Variants in KCNT2 observed in about 807,000 individuals in gnomAD.
The protein encoded by KCNT2 is potassium sodium-activated channel subfamily T member 2, also known as potassium channel subfamily T member 2.
A neutral mutation model predicts 153.8 loss-of-function variants in KCNT2; 67 were observed. The ratio of observed to expected loss-of-function variants is 0.44; its 90% CI spans 0.36 to 0.53. The LOEUF (loss-of-function observed/expected upper bound fraction) is 0.53. KCNT2 is among the 20% of genes least tolerant of loss of function. KCNT2 has a pLI of 0.00. For missense variants in KCNT2, 975 were observed against 1,354.8 expected (o/e 0.72, Z 4.40); for synonymous variants, 500 against 458.8 (o/e 1.09, Z -1.15).
chr1:196,430,194 G>A (rs1328256036), intron 8 of KCNT2, among the ~76,000 whole-genome samples: 1 of 151,700 alleles, frequency 6.6e-6, no homozygotes, highest in Admixed American at 6.6e-5. Flanking sequence ...AAAGGCTTGA[G>A]GAGTTAACAA....
At chr1:196,408,630 A>T (rs1672031105) in intron 12 of KCNT2, among the ~76,000 whole-genome samples, 1 of 151,446 alleles carries the variant, frequency 6.6e-6, no homozygotes, top group Non-Finnish European at 1.5e-5. Flanking sequence ...TTCTTATTTT[A>T]TCTTTTACCC....
chr1:196,258,216 CA>C lies in KCNT2; in HGVS notation c.3188del (p.Leu1063TrpfsTer11). On this transcript the variant is annotated frameshift_variant, in exon 26 of 28. Coordinates refer to ENST00000294725, the MANE Select transcript of KCNT2 (RefSeq NM_198503.5). LOFTEE classifies it high-confidence loss of function. ...AELVKNRMKHLGLSTVGYDEM... is the reference protein window; with the variant it reads ...AELVKNRMKHXGLSTVGYDEM... ...TACCATATCCCACTGTAGAAAGACC[CA>C]AGTGTTTCATTCTATTTTTCACAAG... The C allele has an allele frequency of 6.2e-7, 1 of 1,613,764 alleles. No individual in the cohort carries two copies. Among genetic ancestry groups the C allele is most frequent in the Non-Finnish European group, 8.5e-7 (1 of 1,179,750 alleles).
Position 196,458,006 on chromosome 1 carries a change from G to A in KCNT2, c.638+7287C>T, listed in dbSNP as rs535755366. Among the ~76,000 whole-genome samples the A allele has an allele frequency of 2.0e-5, 3 of 151,900 alleles. No individual in the cohort carries two copies. In the East Asian group the frequency reaches 5.9e-4, roughly 30 times the overall value. On this transcript the variant is annotated intron_variant, in intron 8 of 27. Coordinates refer to ENST00000294725, the MANE Select transcript of KCNT2 (RefSeq NM_198503.5). ...AGGCAAAGCTCCCAGTGCAGATAAC[G>A]CACGAGACTAAAAACATCCAGAATG...
rs573233368 is a variant in KCNT2, at chr1:196,240,501, G to A, written c.3212-4431C>T. On this transcript the variant is annotated intron_variant, in intron 26 of 27. Transcript: ENST00000294725. Reference sequence around the variant, plus strand: ...AAGGTTATGTATTATTATAGTAGCAGGCAAAATCAAGCAGTAAGTTATAAA... The same window carrying A: ...AAGGTTATGTATTATTATAGTAGCAAGCAAAATCAAGCAGTAAGTTATAAA... 1.1e-4 allele frequency among the ~76,000 whole-genome samples: 16 copies of A among 152,028 alleles called. No individual in the cohort carries two copies. The East Asian group carries it at 2.5e-3, about 24-fold the overall frequency.
chr1:196,307,222 G>A (rs1360925251), intron 21 of KCNT2, among the ~76,000 whole-genome samples: 2 of 152,014 alleles, frequency 1.3e-5, no homozygotes, highest in African/African-American at 4.8e-5. Flanking sequence ...AAAAGGTACT[G>A]TTTCTTAGTT....
intron 2 of KCNT2, 124 bp downstream of exon 2, chr1:196,492,138 C>A: frequency 1.0e-6 from 1 of 966,860 alleles, no homozygotes; most frequent in South Asian, 2.0e-5. Flanking sequence ...TCCTCTACCA[C>A]CTGCTGGAAA....
chr1:196,588,271 GA>G (rs67282727), intron 1 of KCNT2, among the ~76,000 whole-genome samples: 3 of 150,008 alleles, frequency 2.0e-5, no homozygotes, highest in South Asian at 4.2e-4. Flanking sequence ...AAATAGATGG[GA>G]AAAAAAAACA....
chr1:196,535,662 G>A (rs558348326), intron 1 of KCNT2, among the ~76,000 whole-genome samples: 21 of 152,238 alleles, frequency 1.4e-4, no homozygotes, highest in Admixed American at 1.2e-3. Flanking sequence ...GTGGGGTGGT[G>A]GGTAGCTAGT....
intron 25 of KCNT2, among the ~76,000 whole-genome samples, chr1:196,280,458 C>A (rs565021478): frequency 1.6e-4 from 24 of 152,274 alleles, no homozygotes; most frequent in African/African-American, 5.5e-4. Flanking sequence ...TGCTTTGCTT[C>A]CTTCAAAATG....
intron 1 of KCNT2, among the ~76,000 whole-genome samples, chr1:196,595,802 A>T (rs1295851381): frequency 1.3e-5 from 2 of 151,862 alleles, no homozygotes; most frequent in African/African-American, 4.8e-5. Context: ...AGCAGTGCAC[A>T]CTGTACACAA....
chr1:196,383,547 G>A (rs562646373), intron 13 of KCNT2, among the ~76,000 whole-genome samples: 3 of 152,238 alleles, frequency 2.0e-5, no homozygotes, highest in South Asian at 2.1e-4. Flanking sequence ...ATAGCACTGG[G>A]TGATTGAATA....
At chr1:196,496,145 G>A (rs914938039) in intron 1 of KCNT2, among the ~76,000 whole-genome samples, 1 of 151,952 alleles carries the variant, frequency 6.6e-6, no homozygotes, top group African/African-American at 2.4e-5. Context: ...CTCACTTAAT[G>A]TCATCCATAG....
At chr1:196,261,775 C>T (rs1025053901) in intron 25 of KCNT2, among the ~76,000 whole-genome samples, 10 of 151,744 alleles carry the variant, frequency 6.6e-5, no homozygotes, top group African/African-American at 2.4e-4. Context: ...TGTACTTTTC[C>T]ATGGAATAAC....
intron 1 of KCNT2, among the ~76,000 whole-genome samples, chr1:196,568,278 A>C (rs918453935): frequency 6.6e-6 from 1 of 152,060 alleles, no homozygotes; most frequent in African/African-American, 2.4e-5. Context: ...CAGTTCACAT[A>C]GGGTTCGCCC....
chr1:196,358,209 A>G (rs191539563), intron 14 of KCNT2, among the ~76,000 whole-genome samples: 2 of 150,948 alleles, frequency 1.3e-5, no homozygotes, highest in Admixed American at 6.6e-5. Flanking sequence ...AATCCTAAAT[A>G]TTTCTATGAG....
chr1:196,298,287 A>C (rs1181919375), intron 22 of KCNT2, among the ~76,000 whole-genome samples: 1 of 152,200 alleles, frequency 6.6e-6, no homozygotes, highest in Non-Finnish European at 1.5e-5. Flanking sequence ...TTTAAACACC[A>C]GCCATAAGTC....
chr1:196,545,962 G>A (rs137957240), intron 1 of KCNT2, among the ~76,000 whole-genome samples: 502 of 151,960 alleles, frequency 3.3e-3, no homozygotes, highest in African/African-American at 0.011. Context: ...GGGCTATTAT[G>A]GGTAACACTG....
At position 196,568,329 on chromosome 1, in the gene KCNT2, C is replaced by T. The variant is rs542414095; in HGVS notation, c.95+39886G>A. ...ATGCCACATGGCCAGGACGGTGGCT[C>T]ACATCTGTAATCCCAGCACTTTGGG... On this transcript the variant is annotated intron_variant, in intron 1 of 27. Coordinates refer to ENST00000294725, the MANE Select transcript of KCNT2 (RefSeq NM_198503.5). Among the ~76,000 whole-genome samples, 226 of 152,162 alleles carry T rather than the reference C, an allele frequency of 1.5e-3. 1 individual carries two copies. The highest frequency in any genetic ancestry group is 7.5e-4 in the Non-Finnish European group (51 of 68,010).
chr1:196,270,466 T>C (rs1184219688), intron 25 of KCNT2, among the ~76,000 whole-genome samples: 2 of 152,130 alleles, frequency 1.3e-5, no homozygotes, highest in Non-Finnish European at 2.9e-5. Context: ...CATATTTATA[T>C]ATATTTGTAA....
Sources: allele counts gnomAD v4.1 joint callset (sites outside exome capture counted in the v4.1 genomes callset), GRCh38; gene constraint gnomAD v4.1.1; transcripts MANE v1.5; gene names NCBI Gene and HGNC (gene_info 2026-07-23, HGNC 2026-07-21).